Variants in SORCS2 observed in about 807,000 individuals in gnomAD.
SORCS2 encodes the protein sortilin related VPS10 domain containing receptor 2.
SORCS2 carries 100 observed loss-of-function variants against 141.6 expected under a neutral mutation model. The ratio of observed to expected loss-of-function variants is 0.71; its 90% CI spans 0.60 to 0.83. SORCS2 has a LOEUF of 0.83. Ranked by LOEUF, SORCS2 falls within the 40% of genes least tolerant of loss-of-function variation. SORCS2 has a pLI of 0.00. For missense variants in SORCS2, 1,646 were observed against 1,560.2 expected (o/e 1.05, Z -0.93); for synonymous variants, 789 against 676.9 (o/e 1.17, Z -2.57).
intron 3 of SORCS2, among the ~76,000 whole-genome samples, chr4:7,599,106 C>T (rs1717479488): frequency 6.6e-6 from 1 of 152,134 alleles, no homozygotes; most frequent in Admixed American, 6.5e-5. Flanking sequence ...GCTGTTAAGT[C>T]AAGAGGGAAC....
At chr4:7,460,298 A>G (rs1411362964) in intron 2 of SORCS2, among the ~76,000 whole-genome samples, 1 of 152,216 alleles carries the variant, frequency 6.6e-6, no homozygotes, top group Non-Finnish European at 1.5e-5. Flanking sequence ...CGATGCTGCC[A>G]TCTTTCTGAT....
chr4:7,600,656 T>C lies in SORCS2; in HGVS notation c.649-37672T>C, dbSNP rs562083645. ...TTAGATTACGATATACATATATATA[T>C]ACACACACACACACACACACACACA... is the stretch of plus-strand genomic sequence containing the variant. On this transcript the variant is annotated intron_variant, in intron 3 of 26. Transcript: ENST00000507866. Among the ~76,000 whole-genome samples the C allele has an allele frequency of 8.3e-3, 1,176 of 140,948 alleles. 17 individuals carry two copies. The highest frequency in any genetic ancestry group is 0.025 in the African/African-American group (897 of 36,606). 92.5% of individuals were successfully genotyped at this position (140,948 alleles called of 152,430 possible). A position where few individuals can be genotyped will look rare whatever the true frequency, so the allele number is the denominator to read the frequency against.
At chr4:7,631,296 T>A (rs560803516) in intron 3 of SORCS2, among the ~76,000 whole-genome samples, 2 of 149,586 alleles carry the variant, frequency 1.3e-5, no homozygotes, top group African/African-American at 2.5e-5. Flanking sequence ...GGAGACCAGA[T>A]GGGATGCAGG....
At position 7,670,463 on chromosome 4, in the gene SORCS2, T is replaced by C. The variant is rs139417681; in HGVS notation, c.1161+3250T>C. Among the ~76,000 whole-genome samples the C allele has an allele frequency of 3.5e-3, 539 of 152,336 alleles. 5 individuals carry two copies. The highest frequency in any genetic ancestry group is 0.012 in the African/African-American group (518 of 41,580). ...ATGCAAATTTAAAGTGAAATATTCC[T>C]GTATTTGCCATAAATGTATTTAAAG... On this transcript the variant is annotated intron_variant, in intron 8 of 26. Transcript: ENST00000507866.
intron 2 of SORCS2, among the ~76,000 whole-genome samples, chr4:7,422,908 G>A (rs1234596109): frequency 6.6e-6 from 1 of 152,152 alleles, no homozygotes; most frequent in Admixed American, 6.5e-5. Context: ...AGGGCACCCC[G>A]CGGGGATCCG....
intron 1 of SORCS2, among the ~76,000 whole-genome samples, chr4:7,227,125 A>C (rs553462157): frequency 2.0e-5 from 3 of 152,098 alleles, no homozygotes; most frequent in Admixed American, 6.5e-5. Context: ...GTGCGTGCTC[A>C]CACACATGCA....
chr4:7,422,421 C>G (rs138092067), intron 2 of SORCS2, among the ~76,000 whole-genome samples: 278 of 152,308 alleles, frequency 1.8e-3, no homozygotes, highest in African/African-American at 6.3e-3. Flanking sequence ...TCCGTGGACA[C>G]TGCCCGTGGG....
chr4:7,653,182 G>T (rs963970074), intron 4 of SORCS2, among the ~76,000 whole-genome samples: 4 of 152,224 alleles, frequency 2.6e-5, no homozygotes, highest in African/African-American at 9.6e-5. Flanking sequence ...GGGAGCCTGG[G>T]CAATCAGCCC....
At chr4:7,367,389 G>C (rs1263358377) in intron 1 of SORCS2, among the ~76,000 whole-genome samples, 2 of 152,244 alleles carry the variant, frequency 1.3e-5, no homozygotes, top group African/African-American at 4.8e-5. Context: ...TTTGCTAGCT[G>C]TGTGACCGTG....
intron 1 of SORCS2, among the ~76,000 whole-genome samples, chr4:7,278,605 G>A (rs1715666478): frequency 6.6e-6 from 1 of 152,178 alleles, no homozygotes; most frequent in Non-Finnish European, 1.5e-5. Context: ...CATAGACCCA[G>A]GGACATTCCT....
At chr4:7,429,760 C>T (rs4459992) in intron 2 of SORCS2, among the ~76,000 whole-genome samples, 46,322 of 152,106 alleles carry the variant, frequency 0.3, 7,181 homozygotes, top group Middle Eastern at 0.41. Flanking sequence ...TATCGTGGGT[C>T]GCGGGTGTGA....
At chr4:7,267,380 G>A (rs998444314) in intron 1 of SORCS2, among the ~76,000 whole-genome samples, 132 of 152,306 alleles carry the variant, frequency 8.7e-4, no homozygotes, top group African/African-American at 2.9e-3. Context: ...AGGACTTGCC[G>A]CAGCTCCGAG....
At chr4:7,650,933 C>T (rs1708403670) in intron 4 of SORCS2, among the ~76,000 whole-genome samples, 1 of 152,096 alleles carries the variant, frequency 6.6e-6, no homozygotes, top group Non-Finnish European at 1.5e-5. Context: ...CCCCTAAACA[C>T]CACATAGTCC....
At chr4:7,594,065 A>G (rs1717097140) in intron 3 of SORCS2, among the ~76,000 whole-genome samples, 1 of 152,208 alleles carries the variant, frequency 6.6e-6, no homozygotes, top group East Asian at 1.9e-4. Flanking sequence ...GTCTGGTGAT[A>G]CCAAAATGAA....
intron 8 of SORCS2, among the ~76,000 whole-genome samples, chr4:7,674,417 C>T (rs1434781483): frequency 3.3e-5 from 5 of 151,684 alleles, no homozygotes; most frequent in Non-Finnish European, 7.4e-5. Context: ...ACTAAAAATA[C>T]AAAAAATTAG....
intron 2 of SORCS2, among the ~76,000 whole-genome samples, chr4:7,458,315 G>T (rs1374085370): frequency 1.3e-5 from 2 of 152,172 alleles, no homozygotes; most frequent in Non-Finnish European, 2.9e-5. Flanking sequence ...GACACTGAGG[G>T]TTGTTGAGCA....
chr4:7,651,046 G>A (rs1721415051), intron 4 of SORCS2, among the ~76,000 whole-genome samples: 1 of 147,770 alleles, frequency 6.8e-6, no homozygotes, highest in Non-Finnish European at 1.5e-5. Context: ...AGATGAACTG[G>A]GGACATCAGT....
chr4:7,213,240 T>G (rs778622256), intron 1 of SORCS2, among the ~76,000 whole-genome samples: 13 of 151,092 alleles, frequency 8.6e-5, no homozygotes, highest in Non-Finnish European at 1.9e-4. Context: ...ACCTCCTCCA[T>G]GGGTGCTTGT....
Position 7,648,937 on chromosome 4 carries a change from A to G in SORCS2, c.814-5197A>G, listed in dbSNP as rs1215050960. On this transcript the variant is annotated intron_variant, in intron 4 of 26. Coordinates refer to ENST00000507866, the MANE Select transcript of SORCS2 (RefSeq NM_020777.3). The surrounding 1 kb of genome is among the most constrained non-coding windows in gnomAD (Gnocchi z 4.2). The stretch of plus-strand genomic sequence containing the variant: ...AGAGAACCAGAGTTCTGAGCGTAGC[A>G]TGAGGGGACACGCCTGGGGATCCCT... Among the ~76,000 whole-genome samples, 2 of 152,152 alleles carry G rather than the reference A, an allele frequency of 1.3e-5. No individual in the cohort carries two copies. The highest frequency in any genetic ancestry group is 2.9e-5 in the Non-Finnish European group (2 of 68,020).
Sources: gnomAD v4.1 joint callset for allele counts (sites outside exome capture counted in the v4.1 genomes callset) on GRCh38, gnomAD v4.1.1 for gene constraint, Gnocchi (gnomAD v3.1) non-coding constraint, MANE v1.5 for transcripts, NCBI Gene and HGNC (gene_info 2026-07-23, HGNC 2026-07-21) for gene names.